LSAMP: variants seen among roughly 807,000 people sequenced by gnomAD.
The protein encoded by LSAMP is limbic system associated membrane protein.
LSAMP carries 7 observed loss-of-function variants against 38.6 expected under a neutral mutation model. That is an observed-to-expected ratio of 0.18 (90% CI 0.10 to 0.34). The LOEUF (loss-of-function observed/expected upper bound fraction) is 0.34, where lower values mean the gene tolerates loss of function less well. Among genes scored for constraint, LSAMP ranks in the 10% least tolerant of loss-of-function variants. The pLI, the probability that LSAMP is intolerant of heterozygous loss-of-function variation, is 1.00. For missense variants in LSAMP, 313 were observed against 420.0 expected, an observed-to-expected ratio of 0.75 and a Z score of 2.23; for synonymous variants, 154 against 166.8, an observed-to-expected ratio of 0.92 and a Z score of 0.59.
At chr3:116,040,495 A>G (rs1213423444) in intron 2 of LSAMP, among the ~76,000 whole-genome samples, 1 of 152,204 alleles carries the variant, frequency 6.6e-6, no homozygotes, top group Non-Finnish European at 1.5e-5. Flanking sequence ...TCTACATGCC[A>G]TCTCTTGTTT....
chr3:116,354,809 A>G (rs886316063), intron 1 of LSAMP, among the ~76,000 whole-genome samples: 1 of 151,618 alleles, frequency 6.6e-6, no homozygotes, highest in African/African-American at 2.4e-5. Flanking sequence ...TTAAAACTAC[A>G]TAAAAAGCTC....
chr3:116,426,492 A>G (rs2049198579), intron 1 of LSAMP, among the ~76,000 whole-genome samples: 1 of 151,394 alleles, frequency 6.6e-6, no homozygotes, highest in African/African-American at 2.4e-5. Flanking sequence ...AGAACTCAAC[A>G]CATGAAAAGA....
intron 4 of LSAMP, among the ~76,000 whole-genome samples, 153 bp downstream of exon 4, chr3:115,852,330 C>T (rs1576148553): frequency 6.6e-6 from 1 of 152,128 alleles, no homozygotes; most frequent in Non-Finnish European, 1.5e-5. Context: ...CAAGTCCTGC[C>T]CTTGGATGTG....
chr3:116,236,271 A>G (rs2046464905), intron 1 of LSAMP, among the ~76,000 whole-genome samples: 1 of 152,116 alleles, frequency 6.6e-6, no homozygotes, highest in African/African-American at 2.4e-5. Context: ...ATGCATTTCC[A>G]TAAAACTCAA....
At chr3:115,958,850 C>A (rs1371250970) in intron 3 of LSAMP, among the ~76,000 whole-genome samples, 1 of 152,154 alleles carries the variant, frequency 6.6e-6, no homozygotes, top group Non-Finnish European at 1.5e-5. Flanking sequence ...TACAACTTTC[C>A]CCCTTGAATG....
At chr3:116,045,584 CAG>C (rs1941273637) in intron 2 of LSAMP, among the ~76,000 whole-genome samples, 2 of 144,720 alleles carry the variant, frequency 1.4e-5, no homozygotes, top group Admixed American at 1.4e-4. Context: ...CTGATTAGGT[CAG>C]AGTTTTTCAA....
chr3:115,894,668 A>T (rs1423541423), intron 3 of LSAMP, among the ~76,000 whole-genome samples: 1 of 152,040 alleles, frequency 6.6e-6, no homozygotes, highest in Non-Finnish European at 1.5e-5. Context: ...TTTCCATGAG[A>T]TGTTCAGAAA....
chr3:116,018,447 T>C (rs1480671181), intron 3 of LSAMP, among the ~76,000 whole-genome samples: 1 of 152,138 alleles, frequency 6.6e-6, no homozygotes. Flanking sequence ...TTTTATGGTG[T>C]TCATTTTAAA....
At chr3:116,366,160 TAAAC>T (rs1167292636) in intron 1 of LSAMP, among the ~76,000 whole-genome samples, 2 of 151,138 alleles carry the variant, frequency 1.3e-5, no homozygotes, top group South Asian at 2.1e-4. Flanking sequence ...ATAAGGAACT[TAAAC>T]AAACTTACAA....
chr3:116,282,008 C>T (rs1445772137), intron 1 of LSAMP, among the ~76,000 whole-genome samples: 1 of 152,202 alleles, frequency 6.6e-6, no homozygotes, highest in East Asian at 1.9e-4. Context: ...TAAGTGATTA[C>T]ACATGTGCTG....
At chr3:116,009,538 C>G (rs1249574186) in intron 3 of LSAMP, among the ~76,000 whole-genome samples, 1 of 152,112 alleles carries the variant, frequency 6.6e-6, no homozygotes, top group Non-Finnish European at 1.5e-5. Flanking sequence ...GTGAGATTGG[C>G]TAAGGAATCT....
At chr3:116,303,632 T>C (rs904770767) in intron 1 of LSAMP, among the ~76,000 whole-genome samples, 2 of 152,210 alleles carry the variant, frequency 1.3e-5, no homozygotes, top group Non-Finnish European at 2.9e-5. Context: ...CTCAGTGATT[T>C]AGGGCATCTT....
intron 1 of LSAMP, among the ~76,000 whole-genome samples, chr3:116,367,215 C>T (rs1415789333): frequency 6.6e-6 from 1 of 152,112 alleles, no homozygotes; most frequent in Admixed American, 6.5e-5. Context: ...AAAGAAATTA[C>T]ACCCAGCAGC....
rs1238223850 is a variant in LSAMP, at chr3:116,290,769, AT to A, written c.155+154107del. ...AATAATAATAATAATAATAATAATA[AT>A]AATAAAATAAACTTTCCTAGTTGAT... On this transcript the variant is annotated intron_variant, in intron 1 of 6. Transcript: ENST00000490035. 3.9e-4 allele frequency among the ~76,000 whole-genome samples: 57 copies of A among 144,430 alleles called. 1 individual carries two copies. The highest frequency in any genetic ancestry group is 3.7e-3 in the East Asian group (19 of 5,096). The allele number at this position is 144,430 out of a possible 152,430, so 94.8% of individuals were successfully genotyped here.
chr3:115,995,099 T>C (rs964454947), intron 3 of LSAMP, among the ~76,000 whole-genome samples: 1 of 152,138 alleles, frequency 6.6e-6, no homozygotes, highest in Non-Finnish European at 1.5e-5. Context: ...TCTAAGCTTG[T>C]CAACTTTCCA....
chr3:116,095,223 CA>C lies in LSAMP; in HGVS notation c.156-8668del, dbSNP rs552114043. Among the ~76,000 whole-genome samples, 231 of 152,232 alleles carry C rather than the reference CA, an allele frequency of 1.5e-3. 1 individual carries two copies. The highest frequency in any genetic ancestry group is 1.4e-3 in the Non-Finnish European group (92 of 68,002). ...AGCACCCTTTCTGTGATTAGGCTACCACTTATTACAATGATCATCACCTGAA... is the reference window on the plus strand; with the variant it reads ...AGCACCCTTTCTGTGATTAGGCTACCCTTATTACAATGATCATCACCTGAA... On this transcript the variant is annotated intron_variant, in intron 1 of 6. Coordinates refer to ENST00000490035, the MANE Select transcript of LSAMP (RefSeq NM_002338.5).
intron 3 of LSAMP, among the ~76,000 whole-genome samples, chr3:115,953,905 G>A (rs780721247): frequency 6.6e-6 from 1 of 152,080 alleles, no homozygotes; most frequent in African/African-American, 2.4e-5. Context: ...TGGTTGGTTG[G>A]TTCTTACCTT....
chr3:116,263,919 G>T (rs1262698874), intron 1 of LSAMP, among the ~76,000 whole-genome samples: 1 of 152,130 alleles, frequency 6.6e-6, no homozygotes, highest in Non-Finnish European at 1.5e-5. Flanking sequence ...GAGGAGAAAG[G>T]TACACTCGTA....
intron 1 of LSAMP, among the ~76,000 whole-genome samples, chr3:116,439,958 T>A (rs1472629144): frequency 6.6e-6 from 1 of 152,210 alleles, no homozygotes; most frequent in Admixed American, 6.5e-5. Flanking sequence ...CTTGACCTTG[T>A]GATCCCCCCG....
Sources: gnomAD v4.1 joint callset for allele counts (sites outside exome capture counted in the v4.1 genomes callset) on GRCh38, gnomAD v4.1.1 for gene constraint, MANE v1.5 for transcripts, NCBI Gene and HGNC (gene_info 2026-07-23, HGNC 2026-07-21) for gene names.